Variants in PBLD observed in about 807,000 individuals in gnomAD.
PBLD encodes phenazine biosynthesis-like domain-containing protein.
A neutral mutation model predicts 31.3 loss-of-function variants in PBLD; 26 were observed. That is an observed-to-expected ratio of 0.83 (90% CI 0.61 to 1.15). PBLD has a LOEUF of 1.15. Among genes scored for constraint, PBLD ranks in the 50% most tolerant of loss-of-function variants. The pLI, the probability that PBLD is intolerant of heterozygous loss-of-function variation, is 0.00. For synonymous variants in PBLD, 114 were observed against 129.0 expected, an observed-to-expected ratio of 0.88 and a Z score of 0.79; for missense variants, 307 against 351.7, an observed-to-expected ratio of 0.87 and a Z score of 1.02.
At chr10:68,300,551 C>T (rs1240277108) in intron 2 of PBLD, among the ~76,000 whole-genome samples, 3 of 151,972 alleles carry the variant, frequency 2.0e-5, no homozygotes, top group Non-Finnish European at 2.9e-5. Context: ...CTTGGGCCTC[C>T]GACATTCTGA....
At chr10:68,330,879 G>A (rs903080761) in intron 1 of PBLD, among the ~76,000 whole-genome samples, 1 of 152,090 alleles carries the variant, frequency 6.6e-6, no homozygotes, top group East Asian at 1.9e-4. Context: ...TTTGAGACAA[G>A]AGTCTCCCTC....
At chr10:68,327,033 G>A (rs917349087) in intron 1 of PBLD, among the ~76,000 whole-genome samples, 3 of 151,848 alleles carry the variant, frequency 2.0e-5, no homozygotes, top group African/African-American at 4.8e-5. Context: ...GCGACAGAGC[G>A]AGACTCCACT....
Position 68,296,923 on chromosome 10 carries a change from A to G in PBLD, c.147T>C (p.Phe49=), listed in dbSNP as rs769213317. The part of the protein sequence containing the change: ...AREMNLSETA[F]IRKLHPTDNF... ...TGTCTGTCGGGTGCAGTTTTCGGAT[A>G]AAAGCAGTTTCAGAGAGGTTCATCT... is the stretch of plus-strand genomic sequence containing the variant. Residue 49 remains phenylalanine, a synonymous_variant, in exon 3 of 10, where the codon TTT becomes TTC. Transcript: ENST00000358769. 9.9e-6 allele frequency: 16 copies of G among 1,613,940 alleles called. No individual in the cohort carries two copies. The Admixed American group carries it at 2.5e-4, about 25-fold the overall frequency.
At chr10:68,284,952 A>G (rs1292233434) in intron 9 of PBLD, 15 of 956,870 alleles carry the variant, frequency 1.6e-5, no homozygotes, top group East Asian at 8.3e-5. Flanking sequence ...TCTAAGCAAT[A>G]CATTAATCAC....
At chr10:68,320,118 G>A (rs1007029813) in intron 1 of PBLD, among the ~76,000 whole-genome samples, 4 of 151,992 alleles carry the variant, frequency 2.6e-5, no homozygotes, top group South Asian at 2.1e-4. Context: ...CCACTCGCCC[G>A]CCTAAGAGAC....
At chr10:68,289,575 A>C (rs1462552925) in intron 6 of PBLD, among the ~76,000 whole-genome samples, 1 of 151,840 alleles carries the variant, frequency 6.6e-6, no homozygotes, top group African/African-American at 2.4e-5. Context: ...CATTCTCACA[A>C]GTGCCTACTA....
chr10:68,306,733 G>C lies in PBLD; in HGVS notation c.84+28C>G, dbSNP rs371632589. 1.4e-4 allele frequency: 214 copies of C among 1,560,990 alleles called. No homozygotes were observed. In the African/African-American group the frequency reaches 2.6e-3, roughly 19 times the overall value. On this transcript the variant is annotated intron_variant, in intron 2 of 9. Transcript: ENST00000358769. ...TTTCTACAGGAATCTAGAATTTCAG[G>C]TACTGTAATTCAAAACCAAGCACTT... is the stretch of plus-strand genomic sequence containing the variant.
chr10:68,295,528 C>A (rs1185505078), intron 4 of PBLD, among the ~76,000 whole-genome samples: 1 of 151,658 alleles, frequency 6.6e-6, no homozygotes, highest in Non-Finnish European at 1.5e-5. Flanking sequence ...TGAAGAATCT[C>A]TTATTGTGAA....
chr10:68,302,800 C>T (rs1462206712), intron 2 of PBLD, among the ~76,000 whole-genome samples: 2 of 150,060 alleles, frequency 1.3e-5, no homozygotes, highest in African/African-American at 4.9e-5. Context: ...ATAATCATGC[C>T]ACTGTACTCC....
intron 6 of PBLD, among the ~76,000 whole-genome samples, chr10:68,291,787 T>A (rs1201309792): frequency 2.6e-5 from 4 of 152,184 alleles, no homozygotes. Flanking sequence ...CATATAACAG[T>A]GTCTCTTCCC....
intron 6 of PBLD, among the ~76,000 whole-genome samples, chr10:68,290,776 A>G (rs1225568738): frequency 6.6e-6 from 1 of 152,214 alleles, no homozygotes; most frequent in African/African-American, 2.4e-5. Context: ...CTAGGGAAGA[A>G]CACAAAATGG....
intron 1 of PBLD, among the ~76,000 whole-genome samples, chr10:68,311,268 AC>A (rs2044663589): frequency 6.6e-6 from 1 of 151,850 alleles, no homozygotes. Flanking sequence ...ACATGGTGAA[AC>A]CCCATCTCTA....
chr10:68,309,116 C>A (rs1174520713), intron 1 of PBLD, among the ~76,000 whole-genome samples: 2 of 150,130 alleles, frequency 1.3e-5, no homozygotes, highest in Non-Finnish European at 2.9e-5. Context: ...ACAAAAGAAC[C>A]CACTTCATGG....
At chr10:68,294,872 C>T (rs1718026411) in intron 4 of PBLD, among the ~76,000 whole-genome samples, 2 of 152,176 alleles carry the variant, frequency 1.3e-5, no homozygotes, top group African/African-American at 2.4e-5. Flanking sequence ...GGACTACCGG[C>T]GCCCGCCACC....
chr10:68,319,183 TGGAGAGTGAAAAAAAAAAA>T (rs2044794265), intron 1 of PBLD, among the ~76,000 whole-genome samples: 1 of 144,838 alleles, frequency 6.9e-6, no homozygotes. Context: ...ACTCCACTGA[TGGAGAGTGAAAAAAAAAAA>T]GGATGAAAAT....
At chr10:68,323,663 G>T (rs1401364121) in intron 1 of PBLD, among the ~76,000 whole-genome samples, 3 of 152,202 alleles carry the variant, frequency 2.0e-5, no homozygotes. Context: ...GTTGTTTTAA[G>T]CTGTTAAGTT....
At chr10:68,324,891 C>T (rs138323018) in intron 1 of PBLD, among the ~76,000 whole-genome samples, 6,480 of 149,774 alleles carry the variant, frequency 0.043, 480 homozygotes, top group African/African-American at 0.15. Flanking sequence ...GCTGGGATTA[C>T]AGGCGTGAGC....
intron 1 of PBLD, among the ~76,000 whole-genome samples, chr10:68,327,417 C>T (rs1297713049): frequency 1.3e-5 from 2 of 151,828 alleles, no homozygotes; most frequent in Non-Finnish European, 2.9e-5. Context: ...CTGTGGCTCA[C>T]GCCTGTAATC....
At chr10:68,325,656 T>G (rs2044908200) in intron 1 of PBLD, among the ~76,000 whole-genome samples, 1 of 152,228 alleles carries the variant, frequency 6.6e-6, no homozygotes, top group Non-Finnish European at 1.5e-5. Context: ...TTCTCCAAGA[T>G]CTGGTTCCTA....
Sources: allele counts gnomAD v4.1 joint callset (sites outside exome capture counted in the v4.1 genomes callset), GRCh38; gene constraint gnomAD v4.1.1; transcripts MANE v1.5; gene names NCBI Gene and HGNC (gene_info 2026-07-23, HGNC 2026-07-21).